Variants in SLC30A9 observed in about 807,000 individuals in gnomAD.
SLC30A9 encodes the protein proton-coupled zinc antiporter SLC30A9, mitochondrial.
Under a neutral mutation model 87.5 loss-of-function variants are expected in SLC30A9, and 58 were observed. The ratio of observed to expected loss-of-function variants is 0.66; its 90% CI spans 0.54 to 0.82. The LOEUF (loss-of-function observed/expected upper bound fraction) is 0.82. SLC30A9 is among the 40% of genes least tolerant of loss of function. SLC30A9 has a pLI of 0.00. For synonymous variants in SLC30A9, 234 were observed against 233.0 expected (o/e 1.00, Z -0.04); for missense variants, 557 against 679.1 (o/e 0.82, Z 2.00).
At chr4:42,040,281 T>G (rs1011843934) in intron 8 of SLC30A9, among the ~76,000 whole-genome samples, 1 of 152,214 alleles carries the variant, frequency 6.6e-6, no homozygotes, top group Non-Finnish European at 1.5e-5. Context: ...GGATAGTGAT[T>G]ATAGCTTTTC....
At chr4:42,056,354 T>C (rs1185289524) in intron 9 of SLC30A9, among the ~76,000 whole-genome samples, 3 of 151,904 alleles carry the variant, frequency 2.0e-5, no homozygotes, top group Non-Finnish European at 4.4e-5. Context: ...AAAAAAGAGG[T>C]TTAATTGTGA....
intron 9 of SLC30A9, among the ~76,000 whole-genome samples, chr4:42,058,555 T>G (rs973851702): frequency 2.0e-5 from 3 of 152,234 alleles, no homozygotes; most frequent in Non-Finnish European, 2.9e-5. Flanking sequence ...TGTATTATTC[T>G]GTTTTCATGC....
chr4:42,022,058 C>T (rs1715978926), intron 4 of SLC30A9, among the ~76,000 whole-genome samples: 1 of 74,086 alleles, frequency 1.3e-5, no homozygotes, highest in Non-Finnish European at 3.9e-5. Context: ...GCCTCAGCCT[C>T]CCGAGTAGCT....
chr4:41,994,132 G>A (rs1235321454), intron 1 of SLC30A9, among the ~76,000 whole-genome samples: 1 of 151,104 alleles, frequency 6.6e-6, no homozygotes, highest in Non-Finnish European at 1.5e-5. Context: ...ACTCCAGCCT[G>A]GGCGACGAGC....
At chr4:42,077,229 C>G (rs1718593478) in intron 16 of SLC30A9, among the ~76,000 whole-genome samples, 1 of 151,950 alleles carries the variant, frequency 6.6e-6, no homozygotes, top group South Asian at 2.1e-4. Context: ...AAATTTTTGC[C>G]AGTTTGATAG....
At chr4:42,033,618 C>T (rs921255510) in intron 6 of SLC30A9, among the ~76,000 whole-genome samples, 1 of 152,152 alleles carries the variant, frequency 6.6e-6, no homozygotes, top group African/African-American at 2.4e-5. Flanking sequence ...CTCTGTGGCC[C>T]AGGCTGGAGT....
At chr4:42,071,293 C>G (rs1160300571) in intron 15 of SLC30A9, among the ~76,000 whole-genome samples, 1 of 151,926 alleles carries the variant, frequency 6.6e-6, no homozygotes, top group African/African-American at 2.4e-5. Context: ...AAGAACAAAC[C>G]TTTAAAAACC....
In SLC30A9 at chr4:42,053,418, C is replaced by T. The variant is rs572455908; in HGVS notation, c.840+3939C>T. Among the ~76,000 whole-genome samples the T allele has an allele frequency of 4.6e-5, 7 of 152,146 alleles. No individual in the cohort carries two copies. The East Asian group carries it at 7.7e-4, about 17-fold the overall frequency. The stretch of plus-strand genomic sequence containing the variant: ...TTTGTATAAGAATGTTGGCTGGGCG[C>T]GGTGGCTCACGTCTGTAATCCGAGC... On this transcript the variant is annotated intron_variant, in intron 9 of 17. Transcript: ENST00000264451.
intron 1 of SLC30A9, among the ~76,000 whole-genome samples, chr4:41,996,012 G>A (rs1714682215): frequency 6.6e-6 from 1 of 151,322 alleles, no homozygotes; most frequent in African/African-American, 2.4e-5. Flanking sequence ...GCCTGGCCCA[G>A]ACAAATAGTT....
intron 14 of SLC30A9, among the ~76,000 whole-genome samples, chr4:42,068,697 A>G (rs1046181812): frequency 6.6e-6 from 1 of 152,204 alleles, no homozygotes; most frequent in African/African-American, 2.4e-5. Flanking sequence ...GTCTTTTTCC[A>G]CACTTAATGC....
At chr4:42,015,377 G>A (rs1715674343) in intron 2 of SLC30A9, among the ~76,000 whole-genome samples, 1 of 152,006 alleles carries the variant, frequency 6.6e-6, no homozygotes. Flanking sequence ...GGCAGGAAAA[G>A]CGAAATAAAA....
At chr4:42,081,555 A>G (rs1161933656) in intron 17 of SLC30A9, among the ~76,000 whole-genome samples, 4 of 152,222 alleles carry the variant, frequency 2.6e-5, no homozygotes, top group Non-Finnish European at 4.4e-5. Context: ...TTTGCAAACA[A>G]CTAATCTGTA....
chr4:42,057,474 C>T (rs916717391), intron 9 of SLC30A9, among the ~76,000 whole-genome samples: 8 of 152,220 alleles, frequency 5.3e-5, no homozygotes, highest in African/African-American at 1.9e-4. Context: ...ATAGCTGGAG[C>T]TGTACCTTGG....
At position 42,086,593 on chromosome 4, in the gene SLC30A9, C is replaced by T. The variant is rs758629292; in HGVS notation, c.*467C>T. 6.5e-6 allele frequency: 1 copy of T among 152,860 alleles called. No homozygotes were observed. Among genetic ancestry groups the T allele is most frequent in the Admixed American group, 6.5e-5 (1 of 15,286 alleles). The allele number at this position is 152,860 out of a possible 1,614,324, so 9.5% of individuals were successfully genotyped here. On this transcript the variant is annotated 3_prime_UTR_variant, in exon 18 of 18. Coordinates refer to ENST00000264451, the MANE Select transcript of SLC30A9 (RefSeq NM_006345.4). ...TTGGTATGTGGTTTTTAAACAGTCA[C>T]TCCGTTTCAAAGTCTGTCTTTCCTT...
At chr4:42,061,040 AC>A (rs1717826087) in intron 10 of SLC30A9, among the ~76,000 whole-genome samples, 1 of 152,204 alleles carries the variant, frequency 6.6e-6, no homozygotes, top group Non-Finnish European at 1.5e-5. Flanking sequence ...ACAGTGTTTT[AC>A]CATCTTAAGA....
chr4:41,994,998 C>T (rs1441209659), intron 1 of SLC30A9, among the ~76,000 whole-genome samples: 1 of 152,062 alleles, frequency 6.6e-6, no homozygotes, highest in Non-Finnish European at 1.5e-5. Flanking sequence ...TGGCTCACAC[C>T]TGTAATCCCA....
intron 16 of SLC30A9, among the ~76,000 whole-genome samples, chr4:42,077,724 G>A (rs1577725044): frequency 6.6e-6 from 1 of 151,738 alleles, no homozygotes; most frequent in African/African-American, 2.4e-5. Flanking sequence ...TTTTCTTTTT[G>A]TTGTTATACA....
chr4:42,029,125 A>AGAGACACCTCAGAGAACACC (rs1303568371), intron 6 of SLC30A9: 2 of 305,142 alleles, frequency 6.6e-6, no homozygotes, highest in African/African-American at 4.5e-5. Context: ...GCCAGAGACA[A>AGAGACACCTCAGAGAACACC]TGAGCAACAC....
chr4:42,060,279 T>A (rs576406896), intron 10 of SLC30A9, 33 bp downstream of exon 10: 6 of 1,525,510 alleles, frequency 3.9e-6, no homozygotes, highest in Non-Finnish European at 5.5e-6. Context: ...TTTTTGTTTG[T>A]TTTGGCGATA....
Sources: gnomAD v4.1 joint callset for allele counts (sites outside exome capture counted in the v4.1 genomes callset) on GRCh38, gnomAD v4.1.1 for gene constraint, MANE v1.5 for transcripts, NCBI Gene and HGNC (gene_info 2026-07-23, HGNC 2026-07-21) for gene names.